Variants in MPZL2 observed in about 807,000 individuals in gnomAD.
The protein encoded by MPZL2 is myelin protein zero-like protein 2.
A neutral mutation model predicts 24.5 loss-of-function variants in MPZL2; 32 were observed. That is an observed-to-expected ratio of 1.31 (90% CI 0.99 to 1.76). MPZL2 has a LOEUF of 1.76. MPZL2 is among the 40% of genes most tolerant of loss of function. The pLI is 0.00. For missense variants in MPZL2, 304 were observed against 274.9 expected (o/e 1.11, Z -0.75); for synonymous variants, 92 against 97.9 (o/e 0.94, Z 0.36).
Position 118,262,474 on chromosome 11 carries a change from C to A in MPZL2, c.400G>T (p.Val134Leu), listed in dbSNP as rs1317380955. The change falls in exon 3 of 6, where the codon GTG (valine) becomes TTG (leucine). Residue 134 changes from valine (V) to leucine (L), a missense_variant. By Grantham distance (32) the Val-to-Leu change is conservative (BLOSUM62 1). Coordinates refer to ENST00000278937, the MANE Select transcript of MPZL2 (RefSeq NM_005797.4). ...ACGCTGAGCCGGATCTCCCCTATCA[C>A]CCCATCAACATCAGGTGGGTTCTTC... ...QVKNPPDVDG[V>L]IGEIRLSVVH... The A allele has an allele frequency of 3.1e-6, 5 of 1,614,142 alleles. No individual in the cohort carries two copies. In the Admixed American group the frequency reaches 8.3e-5, roughly 27 times the overall value.
intron 4 of MPZL2, 40 bp downstream of exon 4, chr11:118,260,014 A>G (rs1348945069): frequency 4.3e-6 from 7 of 1,611,502 alleles, no homozygotes; most frequent in East Asian, 2.2e-5. Context: ...AAGAGTCGCC[A>G]TAAGAGTGTT....
chr11:118,263,065 T>A lies in MPZL2; in HGVS notation c.91A>T (p.Thr31Ser), dbSNP rs1419315869. 1 of 1,613,742 alleles carries A rather than the reference T, an allele frequency of 6.2e-7. No individual in the cohort carries two copies. The highest frequency in any genetic ancestry group is 1.7e-5 in the Admixed American group (1 of 59,952). Residue 31 changes from threonine (T) to serine (S), a missense_variant, in exon 2 of 6, where the codon ACC becomes TCC. By Grantham distance (58) the Thr-to-Ser change is moderately conservative. Transcript: ENST00000278937. ...LWPIAAVEIY[T>S]SRVLEAVNGT... ...TTAACAGCCTCCAGCACCCGGGAGG[T>A]ATAAATTTCCACAGCTGCTATAGGC...
At chr11:118,260,267 A>C in intron 3 of MPZL2, 66 bp from the exon 4 acceptor site, 1 of 1,499,120 alleles carries the variant, frequency 6.7e-7, no homozygotes, top group African/African-American at 1.4e-5. Context: ...ATCTAATGAC[A>C]TAATAGGGAT....
At chr11:118,257,421 T>C in intron 4 of MPZL2, 108 bp from the exon 5 acceptor site, 1 of 834,836 alleles carries the variant, frequency 1.2e-6, no homozygotes, top group East Asian at 2.5e-5. Context: ...TTGGAAGAAT[T>C]ACATGCACTT....
At chr11:118,257,026 A>G (rs1949664868) in intron 5 of MPZL2, 2 of 360,622 alleles carry the variant, frequency 5.5e-6, no homozygotes, top group Non-Finnish European at 9.9e-6. Flanking sequence ...ATGGCAGTAG[A>G]GTCCAGCTTC....
intron 4 of MPZL2, among the ~76,000 whole-genome samples, chr11:118,257,955 A>C (rs943867977): frequency 7.9e-5 from 12 of 152,068 alleles, no homozygotes; most frequent in African/African-American, 2.7e-4. Context: ...GGTTGCAGTG[A>C]GCTGAGATCA....
intron 5 of MPZL2, among the ~76,000 whole-genome samples, chr11:118,256,185 CG>C (rs1949658711): frequency 6.6e-6 from 1 of 152,076 alleles, no homozygotes; most frequent in South Asian, 2.1e-4. Flanking sequence ...CAACTAATAA[CG>C]GTCTGTAAAA....
At chr11:118,261,062 T>C (rs1479194209) in intron 3 of MPZL2, among the ~76,000 whole-genome samples, 1 of 152,210 alleles carries the variant, frequency 6.6e-6, no homozygotes, top group African/African-American at 2.4e-5. Context: ...AGCAGGGCCA[T>C]GGCTTTTATT....
chr11:118,262,769 G>T, intron 2 of MPZL2, 121 bp from the exon 3 acceptor site: 1 of 1,337,716 alleles, frequency 7.5e-7, no homozygotes, highest in African/African-American at 1.4e-5. Context: ...TCTGTCACTT[G>T]CTTTCCCCTT....
intron 1 of MPZL2, 104 bp downstream of exon 1, chr11:118,263,992 C>A: frequency 8.2e-7 from 1 of 1,222,052 alleles, no homozygotes; most frequent in South Asian, 1.3e-5. Flanking sequence ...GTATCTGTGG[C>A]TCAGGCTCCC....
At chr11:118,256,434 G>C (rs58679990) in intron 5 of MPZL2, among the ~76,000 whole-genome samples, 1 of 152,058 alleles carries the variant, frequency 6.6e-6, no homozygotes, top group East Asian at 1.9e-4. Flanking sequence ...CAGGTGGATC[G>C]CTTGAGCTCA....
rs764813644 is a variant in MPZL2 at position 118,262,977 on chromosome 11, G to C, written c.179C>G (p.Thr60Arg). The C allele has an allele frequency of 6.2e-7, 1 of 1,614,210 alleles. No individual in the cohort carries two copies. Among genetic ancestry groups the C allele is most frequent in the East Asian group, 2.2e-5 (1 of 44,890 alleles). ...SSFAPVGDAL[T>R]VTWNFRPLDG... The stretch of plus-strand genomic sequence containing the variant: ...TAGAGGACGAAAATTCCAGGTCACT[G>C]TTAGAGCATCACCCACAGGGGCAAA... Residue 60 changes from threonine to arginine, a missense_variant, in exon 2 of 6, where the codon ACA (threonine) becomes AGA (arginine). Physicochemically the swap from Thr to Arg is moderately conservative, Grantham distance 71. Transcript: ENST00000278937.
At chr11:118,263,363 C>G (rs946088617) in intron 1 of MPZL2, among the ~76,000 whole-genome samples, 1 of 152,158 alleles carries the variant, frequency 6.6e-6, no homozygotes. Context: ...AGCCTCGCCT[C>G]GTGGTACTGA....
In MPZL2 at chr11:118,264,058, G is replaced by A. The variant is rs1280931463; in HGVS notation, c.58+38C>T. On this transcript the variant is annotated intron_variant, in intron 1 of 5. Transcript: ENST00000278937. ...TAGCTAACTTTATAGAGTGAGCAGT[G>A]AAGGAGGAAACTCTGAGAGAAGCCC... 4 of 1,595,580 alleles carry A rather than the reference G, an allele frequency of 2.5e-6. No homozygotes were observed. The African/African-American group carries it at 5.4e-5, about 21-fold the overall frequency.
In MPZL2 at chr11:118,259,967, A is replaced by G. The variant is rs923410980; in HGVS notation, c.584+87T>C. 2.7e-6 allele frequency: 4 copies of G among 1,455,606 alleles called. No individual in the cohort carries two copies. In the African/African-American group the frequency reaches 4.3e-5, roughly 15 times the overall value. 90.2% of individuals were successfully genotyped at this position (1,455,606 alleles called of 1,614,324 possible). A position where few individuals can be genotyped will look rare whatever the true frequency, so the allele number is the denominator to read the frequency against. ...ATAGGATTTACTTAAAGGGAAAAAC[A>G]TCTGTTCAGCAACTATTTAGCCCAC... On this transcript the variant is annotated intron_variant, in intron 4 of 5. Coordinates refer to ENST00000278937, the MANE Select transcript of MPZL2 (RefSeq NM_005797.4).
chr11:118,262,714 G>C, intron 2 of MPZL2, 66 bp from the exon 3 acceptor site: 2 of 1,516,832 alleles, frequency 1.3e-6, no homozygotes, highest in Non-Finnish European at 1.8e-6. Context: ...AAGATGGTGG[G>C]AGCGGAAGTG....
In MPZL2 at chr11:118,262,540, T is replaced by C; in HGVS notation, c.334A>G (p.Lys112Glu). ...GTCCCATTGTCGTCGAACTGCAGTT[T>C]CCAGAGAAGGATGGAGGCATCGTAC... The part of the protein sequence containing the change: ...ERYDASILLW[K>E]LQFDDNGTYT... Residue 112 changes from lysine (K) to glutamate (E), a missense_variant, in exon 3 of 6, where the codon AAA becomes GAA. By Grantham distance (56) the Lys-to-Glu change is moderately conservative. Coordinates refer to ENST00000278937, the MANE Select transcript of MPZL2 (RefSeq NM_005797.4). The C allele has an allele frequency of 6.2e-7, 1 of 1,614,194 alleles. No homozygotes were observed. Among genetic ancestry groups the C allele is most frequent in the Non-Finnish European group, 8.5e-7 (1 of 1,180,026 alleles).
chr11:118,262,562 G>A lies in MPZL2; in HGVS notation c.312C>T (p.Tyr104=), dbSNP rs749611973. The A allele has an allele frequency of 3.2e-5, 51 of 1,614,002 alleles. No individual in the cohort carries two copies. Among genetic ancestry groups the A allele is most frequent in the Non-Finnish European group, 3.8e-5 (45 of 1,180,016 alleles). Residue 104 remains tyrosine (Y), a synonymous_variant, in exon 3 of 6, where the codon TAC becomes TAT. Transcript: ENST00000278937. ...RVSWDGNPER[Y]DASILLWKLQ... Reference sequence around the variant, plus strand: ...GTTTCCAGAGAAGGATGGAGGCATCGTACCGCTCAGGATTCCCATCCCAAG... The same window carrying A: ...GTTTCCAGAGAAGGATGGAGGCATCATACCGCTCAGGATTCCCATCCCAAG...
intron 4 of MPZL2, among the ~76,000 whole-genome samples, chr11:118,258,013 A>C (rs906202008): frequency 3.3e-5 from 5 of 151,948 alleles, no homozygotes; most frequent in Non-Finnish European, 7.4e-5. Context: ...TCTGTCTCAA[A>C]AAAAAAAAAG....
Sources: gnomAD v4.1 joint callset for allele counts (sites outside exome capture counted in the v4.1 genomes callset) on GRCh38, gnomAD v4.1.1 for gene constraint, MANE v1.5 for transcripts, NCBI Gene and HGNC (gene_info 2026-07-23, HGNC 2026-07-21) for gene names.